Variants in CLBA1 observed in about 807,000 individuals in gnomAD.
The protein encoded by CLBA1 is clathrin binding box of aftiphilin containing 1, also known as uncharacterized protein CLBA1.
Under a neutral mutation model 28.8 loss-of-function variants are expected in CLBA1, and 30 were observed. The observed-to-expected ratio is 1.04, with a 90% CI of 0.78 to 1.41. The LOEUF (loss-of-function observed/expected upper bound fraction) is 1.41. Among genes scored for constraint, CLBA1 ranks in the 40% most tolerant of loss-of-function variants. The pLI, the probability that CLBA1 is intolerant of heterozygous loss-of-function variation, is 0.00. For synonymous variants in CLBA1, 160 were observed against 152.8 expected, an observed-to-expected ratio of 1.05 and a Z score of -0.35; for missense variants, 451 against 412.3, an observed-to-expected ratio of 1.09 and a Z score of -0.81.
rs186223889 is a variant in CLBA1 at position 104,994,874 on chromosome 14, G to T, written c.*115G>T. On this transcript the variant is annotated 3_prime_UTR_variant, in exon 5 of 5. Coordinates refer to ENST00000547315, the MANE Select transcript of CLBA1 (RefSeq NM_174891.4). Reference sequence around the variant, plus strand: ...TTTCCAGACCCCAGGCCCATTCCTGGGATCTCTCCAACAGGACCTGTCCTG... The same window carrying T: ...TTTCCAGACCCCAGGCCCATTCCTGTGATCTCTCCAACAGGACCTGTCCTG... 2.8e-3 allele frequency: 4,120 copies of T among 1,465,632 alleles called. 11 individuals are homozygous for T. The highest frequency in any genetic ancestry group is 3.6e-3 in the Admixed American group (144 of 40,098). 90.8% of individuals were successfully genotyped at this position (1,465,632 alleles called of 1,614,324 possible).
rs1900133149 is a variant in CLBA1 at position 104,995,071 on chromosome 14, G to T, written c.*312G>T. The T allele has an allele frequency of 1.9e-6, 2 of 1,042,162 alleles. No individual in the cohort carries two copies. The highest frequency in any genetic ancestry group is 3.4e-5 in the African/African-American group (2 of 59,092). The allele number at this position is 1,042,162 out of a possible 1,614,324, so 64.6% of individuals were successfully genotyped here. On this transcript the variant is annotated 3_prime_UTR_variant, in exon 5 of 5. Coordinates refer to ENST00000547315, the MANE Select transcript of CLBA1 (RefSeq NM_174891.4). ...GGCACCTGGTGGGGGGTTGCCCAGG[G>T]ATGGACCCTGGGCATGGCTTCTGGG...
downstream of CLBA1, among the ~76,000 whole-genome samples, chr14:104,998,008 C>CA (rs1900185175): frequency 3.4e-5 from 5 of 146,890 alleles, no homozygotes; most frequent in African/African-American, 1.3e-4. Context: ...GACTCTATCT[C>CA]AAAAAAATAA....
Position 104,994,618 on chromosome 14 carries a change from C to G in CLBA1, c.837C>G (p.Ser279Arg), listed in dbSNP as rs373535869. The change falls in exon 5 of 5, where the codon AGC becomes AGG. Residue 279 changes from serine (S) to arginine (R), a missense_variant. Physicochemically the swap from Ser to Arg is moderately radical, Grantham distance 110. Coordinates refer to ENST00000547315, the MANE Select transcript of CLBA1 (RefSeq NM_174891.4). ...IQTKLSGPPG[S>R]KQGRLMTCSR... ...CTCAGCTCTCGGGGCCGCCTGGCAGCAAACAGGGGAGGCTGATGACATGCA... is the reference window on the plus strand; with the variant it reads ...CTCAGCTCTCGGGGCCGCCTGGCAGGAAACAGGGGAGGCTGATGACATGCA... The G allele has an allele frequency of 1.9e-6, 3 of 1,610,152 alleles. No individual in the cohort carries two copies. The highest frequency in any genetic ancestry group is 2.7e-5 in the African/African-American group (2 of 74,724).
At chr14:104,998,014 A>G (rs1338469711), downstream of CLBA1, among the ~76,000 whole-genome samples, 1 of 149,736 alleles carries the variant, frequency 6.7e-6, no homozygotes, top group Non-Finnish European at 1.5e-5. Context: ...ATCTCAAAAA[A>G]ATAAAGAAAG....
Position 104,986,522 on chromosome 14 carries a change from C to CT in CLBA1, c.92dup (p.Ser32GlufsTer2). 6.2e-7 allele frequency: 1 copy of CT among 1,613,894 alleles called. No individual in the cohort carries two copies. The highest frequency in any genetic ancestry group is 8.5e-7 in the Non-Finnish European group (1 of 1,180,028). The stretch of plus-strand genomic sequence containing the variant: ...TTCCCTCCGAGTGGCACCTGAGAGG[C>CT]TGAGTGATGACAGTTTGGAATGGAG... On this transcript the variant is annotated frameshift_variant, in exon 1 of 5. Coordinates refer to ENST00000547315, the MANE Select transcript of CLBA1 (RefSeq NM_174891.4). LOFTEE classifies it high-confidence loss of function.
rs778109212 is a variant in CLBA1 at position 104,989,020 on chromosome 14, CACCATAGA to C, written c.502_509del (p.Thr168ProfsTer8). ...TCCAGCAGGCAGCTGAAGACGTTTC[CACCATAGA>C]CCATTTCCTAGAAATAAGCAGTGAA... On this transcript the variant is annotated frameshift_variant, in exon 2 of 5. Transcript: ENST00000547315. LOFTEE classifies it high-confidence loss of function. 1 of 1,613,526 alleles carries C rather than the reference CACCATAGA, an allele frequency of 6.2e-7. No individual in the cohort carries two copies. Among genetic ancestry groups the C allele is most frequent in the South Asian group, 1.1e-5 (1 of 91,008 alleles).
At chr14:105,000,122 G>A (rs537489546), downstream of CLBA1, among the ~76,000 whole-genome samples, 18 of 152,314 alleles carry the variant, frequency 1.2e-4, 1 homozygote, top group African/African-American at 4.3e-4. Context: ...ACACAGCCAG[G>A]AGACAGCCTC....
rs373094153 is a variant in CLBA1 at position 104,991,597 on chromosome 14, C to A, written c.676C>A (p.Leu226Ile). 64 of 1,613,174 alleles carry A rather than the reference C, an allele frequency of 4.0e-5. No individual in the cohort carries two copies. The highest frequency in any genetic ancestry group is 4.8e-5 in the Non-Finnish European group (57 of 1,179,638). The change falls in exon 3 of 5, where the codon CTC becomes ATC. Residue 226 changes from leucine (L) to isoleucine (I), a missense_variant. Coordinates refer to ENST00000547315, the MANE Select transcript of CLBA1 (RefSeq NM_174891.4). ...TTGCCAGGAGAACTTCTTTCTTGTT[C>A]TCGGAATAGATGCTGCGCAGAAGGT... ...SRCQENFFLVLGIDAAQKNLS... is the reference protein window; with the variant it reads ...SRCQENFFLVIGIDAAQKNLS...
Position 104,994,415 on chromosome 14 carries a change from C to G in CLBA1, c.817-183C>G, listed in dbSNP as rs1900117048. On this transcript the variant is annotated intron_variant, in intron 4 of 4. Transcript: ENST00000547315. ...AGCCACAGACTGCACCATGAGGAAG[C>G]CCCAGCATGTTTTCCCTGGGCGCCT... 3 of 985,330 alleles carry G rather than the reference C, an allele frequency of 3.0e-6. No individual in the cohort carries two copies. The South Asian group carries it at 1.4e-4, about 46-fold the overall frequency. 61.0% of individuals were successfully genotyped at this position (985,330 alleles called of 1,614,324 possible).
chr14:104,991,443 T>G (rs2289454), intron 2 of CLBA1, 48 bp from the exon 3 acceptor site: 217,043 of 1,609,522 alleles, frequency 0.13, 16,218 homozygotes, highest in East Asian at 0.26. Context: ...CATGATCTCC[T>G]CAGAAGGCTC....
chr14:104,998,374 A>G (rs1330012097), downstream of CLBA1, among the ~76,000 whole-genome samples: 1 of 151,896 alleles, frequency 6.6e-6, no homozygotes, highest in Non-Finnish European at 1.5e-5. Flanking sequence ...TGATCACACC[A>G]CTGCACTCCA....
In CLBA1 at chr14:104,988,985, G is replaced by C; in HGVS notation, c.466G>C (p.Glu156Gln). The C allele has an allele frequency of 6.2e-6, 10 of 1,613,100 alleles. No individual in the cohort carries two copies. Among genetic ancestry groups the C allele is most frequent in the Non-Finnish European group, 8.5e-6 (10 of 1,179,428 alleles). ...YENILKCAFQ[E>Q]ITVQQAAEDV... ...GAACATTTTAAAGTGTGCTTTTCAA[G>C]AAATAACAGTCCAGCAGGCAGCTGA... Residue 156 changes from glutamate (E) to glutamine (Q), a missense_variant, in exon 2 of 5, where the codon GAA becomes CAA. Physicochemically the swap from Glu to Gln is conservative, Grantham distance 29. Transcript: ENST00000547315.
At position 104,988,938 on chromosome 14, in the gene CLBA1, T is replaced by C; in HGVS notation, c.424-5T>C. On this transcript the variant is annotated splice_region_variant and splice_polypyrimidine_tract_variant and intron_variant, in intron 1 of 4. Transcript: ENST00000547315. ...TTTGGTATGCTTTTCTTCTTTTCTTTTCAGCCCATTCTCAGCTATGAGAAC... is the reference window on the plus strand; with the variant it reads ...TTTGGTATGCTTTTCTTCTTTTCTTCTCAGCCCATTCTCAGCTATGAGAAC... 1 of 1,598,916 alleles carries C rather than the reference T, an allele frequency of 6.3e-7. No homozygotes were observed. The highest frequency in any genetic ancestry group is 8.5e-7 in the Non-Finnish European group (1 of 1,173,418).
In CLBA1 at chr14:104,986,840, G is replaced by C. The variant is rs372562813; in HGVS notation, c.409G>C (p.Val137Leu). ...ACCTTGGGTGACAGGAACTTCTGCC[G>C]TCCCACCTTCTGAGGTATTTCTGCT... ...GGPWVTGTSA[V>L]PPSEPILSYE... The change falls in exon 1 of 5, where the codon GTC (valine) becomes CTC (leucine). Residue 137 changes from valine to leucine, a missense_variant. Physicochemically the swap from Val to Leu is conservative, Grantham distance 32. Transcript: ENST00000547315. 27 of 1,612,880 alleles carry C rather than the reference G, an allele frequency of 1.7e-5. No individual in the cohort carries two copies. Among genetic ancestry groups the C allele is most frequent in the South Asian group, 6.6e-5 (6 of 91,088 alleles).
Position 104,991,926 on chromosome 14 carries a change from C to G in CLBA1, c.699+306C>G, listed in dbSNP as rs145313988. 8.7e-3 allele frequency among the ~76,000 whole-genome samples: 1,326 copies of G among 152,014 alleles called. 9 individuals carry two copies. The highest frequency in any genetic ancestry group is 0.014 in the Non-Finnish European group (918 of 67,998). On this transcript the variant is annotated intron_variant, in intron 3 of 4. Transcript: ENST00000547315. ...GTGTGCACTCATGCCACTGCCGCCG[C>G]CACGCACATGCCACCACGCACACGC...
chr14:104,994,311 C>T (rs1009366692), intron 4 of CLBA1: 2 of 985,284 alleles, frequency 2.0e-6, no homozygotes, highest in Non-Finnish European at 2.4e-6. Flanking sequence ...CCAGGGAGTG[C>T]CAGACACGTA....
intron 1 of CLBA1, among the ~76,000 whole-genome samples, chr14:104,988,444 A>T (rs1432943483): frequency 6.6e-6 from 1 of 150,936 alleles, no homozygotes; most frequent in Non-Finnish European, 1.5e-5. Context: ...GATTCAAGCG[A>T]TTCTCCTGCC....
intron 3 of CLBA1, 132 bp downstream of exon 3, chr14:104,991,752 G>A: frequency 8.8e-7 from 1 of 1,141,896 alleles, no homozygotes; most frequent in African/African-American, 1.6e-5. Context: ...GCCACTAGGT[G>A]GCCCCATAAA....
downstream of CLBA1, among the ~76,000 whole-genome samples, chr14:105,000,252 G>T (rs1900241144): frequency 6.6e-6 from 1 of 151,692 alleles, no homozygotes; most frequent in Admixed American, 6.6e-5. Context: ...GAAAAAATAG[G>T]AAAAGGACCT....
Sources: allele counts gnomAD v4.1 joint callset (sites outside exome capture counted in the v4.1 genomes callset), GRCh38; gene constraint gnomAD v4.1.1; transcripts MANE v1.5; gene names NCBI Gene and HGNC (gene_info 2026-07-23, HGNC 2026-07-21).